The following MBD5 variants were observed in gnomAD, a reference collection of about 807,000 sequenced individuals.
MBD5 encodes the protein methyl-CpG binding domain protein 5.
Under a neutral mutation model 117.3 loss-of-function variants are expected in MBD5, and 13 were observed. The observed-to-expected ratio is 0.11, with a 90% CI of 0.07 to 0.18. The LOEUF is 0.18. Ranked by LOEUF, MBD5 falls within the 10% of genes least tolerant of loss-of-function variation. MBD5 has a pLI of 1.00. For synonymous variants in MBD5, 727 were observed against 766.4 expected, an observed-to-expected ratio of 0.95 and a Z score of 0.85; for missense variants, 1,879 against 2,093.8, an observed-to-expected ratio of 0.90 and a Z score of 2.00.
Position 148,458,763 on chromosome 2 carries a change from A to G in MBD5, c.5A>G (p.Asn2Ser), listed in dbSNP as rs1706962588. The G allele has an allele frequency of 1.2e-6, 2 of 1,612,832 alleles. No individual in the cohort carries two copies. Among genetic ancestry groups the G allele is most frequent in the Admixed American group, 1.7e-5 (1 of 59,942 alleles). M[N>S]GGKECDGGDK... ...AGTCCCTAGCAGACACAGAAAATGA[A>G]TGGAGGCAAAGAGTGTGACGGAGGG... Residue 2 changes from asparagine (N) to serine (S), a missense_variant, in exon 5 of 14, where the codon AAT becomes AGT. Physicochemically the swap from Asn to Ser is conservative, Grantham distance 46. This residue lies in a region of MBD5 where 71 missense variants were observed against 129.2 expected (regional missense o/e 0.55). Coordinates refer to ENST00000642680, the MANE Select transcript of MBD5 (RefSeq NM_001378120.1).
intron 3 of MBD5, among the ~76,000 whole-genome samples, chr2:148,263,624 C>A (rs1178444246): frequency 6.6e-6 from 1 of 152,066 alleles, no homozygotes; most frequent in Non-Finnish European, 1.5e-5. Flanking sequence ...AGGAAAAAGT[C>A]ATATTGGGTG....
At chr2:148,139,097 A>AT (rs1168104774) in intron 1 of MBD5, among the ~76,000 whole-genome samples, 2 of 152,162 alleles carry the variant, frequency 1.3e-5, no homozygotes, top group Non-Finnish European at 2.9e-5. Context: ...TTTTGAAACT[A>AT]TTTTTATGCC....
chr2:148,229,990 G>T (rs1347134827), intron 2 of MBD5, among the ~76,000 whole-genome samples: 1 of 152,140 alleles, frequency 6.6e-6, no homozygotes, highest in African/African-American at 2.4e-5. Flanking sequence ...ACTGTACTAG[G>T]CCAGACCTGA....
At position 148,098,552 on chromosome 2, in the gene MBD5, T is replaced by A. The variant is rs147220509; in HGVS notation, c.-925+76868T>A. On this transcript the variant is annotated intron_variant, in intron 1 of 13. Coordinates refer to ENST00000642680, the MANE Select transcript of MBD5 (RefSeq NM_001378120.1). ...GTGTATGACGGAGCCCGGTGGACAG[T>A]ATTTAAGGAAGAGGTTATTAACTTT... Among the ~76,000 whole-genome samples, 1,417 of 152,152 alleles carry A rather than the reference T, an allele frequency of 9.3e-3. 9 individuals carry two copies. The highest frequency in any genetic ancestry group is 0.015 in the Non-Finnish European group (1,008 of 67,988).
intron 3 of MBD5, among the ~76,000 whole-genome samples, chr2:148,242,206 A>G (rs2106197852): frequency 6.6e-6 from 1 of 152,246 alleles, no homozygotes; most frequent in Non-Finnish European, 1.5e-5. Flanking sequence ...ACTTGTAAAT[A>G]CTACTTCCCT....
At chr2:148,288,760 G>GA (rs571699591) in intron 3 of MBD5, among the ~76,000 whole-genome samples, 1,721 of 147,192 alleles carry the variant, frequency 0.012, 19 homozygotes, top group Non-Finnish European at 0.016. Context: ...TAATAAAAAG[G>GA]AAAAAAAAAC....
At chr2:148,067,615 A>T (rs1182259178) in intron 1 of MBD5, among the ~76,000 whole-genome samples, 1 of 152,232 alleles carries the variant, frequency 6.6e-6, no homozygotes, top group Non-Finnish European at 1.5e-5. Flanking sequence ...CTAGAATTAA[A>T]GCAAGTAGAA....
intron 3 of MBD5, among the ~76,000 whole-genome samples, chr2:148,336,027 A>G (rs556706654): frequency 1.3e-5 from 2 of 152,320 alleles, no homozygotes; most frequent in South Asian, 2.1e-4. Context: ...TGGTTTCCAC[A>G]TATGGGACTG....
intron 4 of MBD5, among the ~76,000 whole-genome samples, chr2:148,344,019 C>T (rs1395162944): frequency 6.6e-6 from 1 of 151,978 alleles, no homozygotes; most frequent in Non-Finnish European, 1.5e-5. Flanking sequence ...TTTCATTCTT[C>T]TGCACTGCAT....
chr2:148,294,196 GTTTTTTTTTTTTTTTTTTTTT>G (rs60942822), intron 3 of MBD5, among the ~76,000 whole-genome samples: 7 of 127,170 alleles, frequency 5.5e-5, no homozygotes, highest in African/African-American at 2.1e-4. Context: ...CCAGAATGAA[GTTTTTTTTTTTTTTTTTTTTT>G]TTTTTTTTTT....
chr2:148,306,623 G>C (rs974376775), intron 3 of MBD5, among the ~76,000 whole-genome samples: 3 of 152,110 alleles, frequency 2.0e-5, no homozygotes, highest in African/African-American at 7.2e-5. Flanking sequence ...AGAGAAAAAG[G>C]TTTCTTTAAA....
At chr2:148,277,504 T>C (rs929093784) in intron 3 of MBD5, among the ~76,000 whole-genome samples, 1 of 152,288 alleles carries the variant, frequency 6.6e-6, no homozygotes, top group South Asian at 2.1e-4. Flanking sequence ...CTGTAACTTA[T>C]TTTTTAGAGA....
rs1697572143 is a variant in MBD5, at chr2:148,149,368, T to G, written c.-924-29332T>G. ...TGGACATTTGGGTTGGTTCCAAGTC[T>G]TTGCTATTGTGAATAATGCCGCAAT... On this transcript the variant is annotated intron_variant, in intron 1 of 13. Transcript: ENST00000642680. 2.2e-5 allele frequency among the ~76,000 whole-genome samples: 3 copies of G among 139,028 alleles called. No individual in the cohort carries two copies. The East Asian group carries it at 6.1e-4, about 28-fold the overall frequency. The allele number at this position is 139,028 out of a possible 152,430, so 91.2% of individuals were successfully genotyped here. A position where few individuals can be genotyped will look rare whatever the true frequency, so the allele number is the denominator to read the frequency against.
At position 148,451,339 on chromosome 2, in the gene MBD5, G is replaced by A. The variant is rs934355996; in HGVS notation, c.-556-6864G>A. Among the ~76,000 whole-genome samples the A allele has an allele frequency of 2.6e-5, 4 of 152,224 alleles. No individual in the cohort carries two copies. The South Asian group carries it at 8.3e-4, about 32-fold the overall frequency. ...AAAAATGGGGCTAGTGTATTGCACA[G>A]TTTAAAAAATATGAAAAAAGATATA... On this transcript the variant is annotated intron_variant, in intron 4 of 13. Coordinates refer to ENST00000642680, the MANE Select transcript of MBD5 (RefSeq NM_001378120.1).
chr2:148,278,105 G>C lies in MBD5; in HGVS notation c.-680+44710G>C, dbSNP rs112615636. On this transcript the variant is annotated intron_variant, in intron 3 of 13. Coordinates refer to ENST00000642680, the MANE Select transcript of MBD5 (RefSeq NM_001378120.1). ...ATTTGTTTTCTGTCGCTGTAGTTTTGCTTTTTCCGGAATGTCATATAAACA... is the reference window on the plus strand; with the variant it reads ...ATTTGTTTTCTGTCGCTGTAGTTTTCCTTTTTCCGGAATGTCATATAAACA... 5.6e-3 allele frequency among the ~76,000 whole-genome samples: 846 copies of C among 152,230 alleles called. 9 individuals carry two copies. Among genetic ancestry groups the C allele is most frequent in the African/African-American group, 0.02 (819 of 41,552 alleles).
At chr2:148,297,021 C>A (rs1224097270) in intron 3 of MBD5, among the ~76,000 whole-genome samples, 1 of 151,212 alleles carries the variant, frequency 6.6e-6, no homozygotes, top group East Asian at 2.0e-4. Flanking sequence ...ATTACAGGCA[C>A]CTGCCACCAC....
intron 4 of MBD5, among the ~76,000 whole-genome samples, chr2:148,443,941 A>T (rs1046062252): frequency 1.3e-5 from 2 of 151,382 alleles, no homozygotes; most frequent in African/African-American, 4.9e-5. Flanking sequence ...GACATGATGG[A>T]TACCCCATTT....
chr2:148,089,908 T>C (rs1271411310), intron 1 of MBD5, among the ~76,000 whole-genome samples: 1 of 152,088 alleles, frequency 6.6e-6, no homozygotes, highest in South Asian at 2.1e-4. Context: ...AAAAGCCAGT[T>C]ATTTGAAAAG....
chr2:148,187,304 A>G (rs996703024), intron 2 of MBD5, among the ~76,000 whole-genome samples: 3 of 150,830 alleles, frequency 2.0e-5, no homozygotes, highest in South Asian at 2.1e-4. Context: ...CCCTTCCTCC[A>G]TACCCCCCCC....
Sources: gnomAD v4.1 joint callset for allele counts (sites outside exome capture counted in the v4.1 genomes callset) on GRCh38, gnomAD v4.1.1 for gene constraint, gnomAD v4.1.1 regional missense constraint, MANE v1.5 for transcripts, NCBI Gene and HGNC (gene_info 2026-07-23, HGNC 2026-07-21) for gene names.